DLEC1: variants seen among roughly 807,000 people sequenced by gnomAD.
The protein encoded by DLEC1 is DLEC1 cilia and flagella associated protein, also known as deleted in lung and esophageal cancer protein 1.
A neutral mutation model predicts 198.1 loss-of-function variants in DLEC1; 146 were observed. The observed-to-expected ratio is 0.74, with a 90% CI of 0.64 to 0.85. The LOEUF is 0.85. Ranked by LOEUF, DLEC1 falls within the 40% of genes least tolerant of loss-of-function variation. The pLI is 0.00. For missense variants in DLEC1, 2,233 were observed against 2,220.0 expected (o/e 1.01, Z -0.12); for synonymous variants, 897 against 866.8 (o/e 1.03, Z -0.61).
rs533245447 is a variant in DLEC1 at position 38,059,852 on chromosome 3, G to A, written c.673G>A (p.Gly225Ser). The A allele has an allele frequency of 1.2e-6, 2 of 1,613,588 alleles. No homozygotes were observed. Among genetic ancestry groups the A allele is most frequent in the Admixed American group, 1.7e-5 (1 of 59,908 alleles). Residue 225 changes from glycine to serine, a missense_variant and splice_region_variant, in exon 3 of 37, where the codon GGC becomes AGC. Coordinates refer to ENST00000308059, the MANE Select transcript of DLEC1 (RefSeq NM_007335.4). ...AGTGCCGTTTCACTCTGCACCTAAA[G>A]GTAATGCTTCTGTGCTCTCAAGGCC... ...DTVPFHSAPK[G>S]ISLPGCSKLT...
chr3:38,081,323 C>T (rs1697974639), intron 6 of DLEC1, among the ~76,000 whole-genome samples: 1 of 140,968 alleles, frequency 7.1e-6, no homozygotes, highest in Non-Finnish European at 1.5e-5. Flanking sequence ...TCTCAATGAG[C>T]TGTTGGGCAC....
Position 38,123,372 on chromosome 3 carries a change from G to A in DLEC1, c.*960G>A, listed in dbSNP as rs1315130456. The stretch of plus-strand genomic sequence containing the variant: ...TGCCCCTACATCCTAAGTTCAGGGT[G>A]TTTCTGTGTGCATGTTCCCCTCCCC... On this transcript the variant is annotated 3_prime_UTR_variant, in exon 37 of 37. Transcript: ENST00000308059. 2 of 496,288 alleles carry A rather than the reference G, an allele frequency of 4.0e-6. No homozygotes were observed. Among genetic ancestry groups the A allele is most frequent in the Non-Finnish European group, 7.2e-6 (2 of 276,204 alleles). 30.7% of individuals were successfully genotyped at this position (496,288 alleles called of 1,614,324 possible). A position where few individuals can be genotyped will look rare whatever the true frequency, so the allele number is the denominator to read the frequency against.
At chr3:38,113,547 T>C (rs1332041217) in intron 25 of DLEC1, among the ~76,000 whole-genome samples, 1 of 142,870 alleles carries the variant, frequency 7.0e-6, no homozygotes, top group Non-Finnish European at 1.6e-5. Context: ...AAAAATTAGC[T>C]GGGCGTGATG....
chr3:38,085,511 C>T, intron 8 of DLEC1, 64 bp downstream of exon 8: 3 of 1,579,106 alleles, frequency 1.9e-6, no homozygotes, highest in Non-Finnish European at 2.6e-6. Context: ...TAAGGACTGC[C>T]TGCCTCTCAG....
At chr3:38,073,038 G>A (rs533079557) in intron 6 of DLEC1, among the ~76,000 whole-genome samples, 8 of 152,300 alleles carry the variant, frequency 5.3e-5, no homozygotes, top group South Asian at 2.1e-4. Flanking sequence ...GAAACCTTGC[G>A]GCAGCACAGC....
chr3:38,056,339 T>C (rs1057058987), intron 2 of DLEC1, among the ~76,000 whole-genome samples: 1 of 152,218 alleles, frequency 6.6e-6, no homozygotes, highest in Non-Finnish European at 1.5e-5. Context: ...AGACAGAGTC[T>C]TGCTGTGTTG....
rs772418649 is a variant in DLEC1, at chr3:38,114,413, G to A, written c.3738G>A (p.Arg1246=). ...TGGGCTGCCCCATCAGCTCCCTGAG[G>A]ACCACCTCCTACACTATTGACCAGG... ...AAVGCPISSL[R]TTSYTIDQAQ... Residue 1246 remains arginine (R), a synonymous_variant, in exon 26 of 37, where the codon AGG becomes AGA. Transcript: ENST00000308059. The A allele has an allele frequency of 4.3e-5, 70 of 1,614,004 alleles. No individual in the cohort carries two copies. The highest frequency in any genetic ancestry group is 5.5e-5 in the Non-Finnish European group (65 of 1,180,016).
chr3:38,111,832 G>GGAGC, intron 24 of DLEC1, 85 bp downstream of exon 24: 1 of 1,477,798 alleles, frequency 6.8e-7, no homozygotes, highest in Non-Finnish European at 9.1e-7. Context: ...CAGCTGCCAG[G>GGAGC]GAGCGGGACC....
intron 9 of DLEC1, among the ~76,000 whole-genome samples, chr3:38,087,535 ACCAT>A (rs1314774936): frequency 2.9e-5 from 4 of 138,500 alleles, no homozygotes; most frequent in Admixed American, 2.1e-4. Flanking sequence ...CAGCACTGAC[ACCAT>A]CCATCAGCAT....
intron 19 of DLEC1, among the ~76,000 whole-genome samples, chr3:38,102,217 C>T (rs574441874): frequency 6.6e-6 from 1 of 152,212 alleles, no homozygotes; most frequent in East Asian, 1.9e-4. Context: ...GGAGAGGCCA[C>T]TTAGAGCTCC....
chr3:38,071,086 G>C (rs1216276847), intron 6 of DLEC1, among the ~76,000 whole-genome samples: 1 of 152,196 alleles, frequency 6.6e-6, no homozygotes, highest in Non-Finnish European at 1.5e-5. Flanking sequence ...TGGGAACCTA[G>C]AGTGGGAGAG....
chr3:38,105,458 A>AT (rs1310819921), intron 19 of DLEC1, among the ~76,000 whole-genome samples: 42 of 152,108 alleles, frequency 2.8e-4, no homozygotes, highest in African/African-American at 8.2e-4. Flanking sequence ...CTGTTGTTAG[A>AT]TACATACATG....
At chr3:38,039,778 G>A (rs890270175) in intron 1 of DLEC1, 142 bp downstream of exon 1, 2 of 1,130,016 alleles carry the variant, frequency 1.8e-6, no homozygotes, top group African/African-American at 1.6e-5. Flanking sequence ...AAGTGGGCCC[G>A]ACATTCTAGT....
At chr3:38,109,977 G>A in intron 22 of DLEC1, 122 bp from the exon 23 acceptor site, 1 of 1,128,690 alleles carries the variant, frequency 8.9e-7, no homozygotes, top group Non-Finnish European at 1.3e-6. Flanking sequence ...CAATGAAACA[G>A]GAGTCTGAGG....
chr3:38,079,291 T>C (rs1321779357), intron 6 of DLEC1, among the ~76,000 whole-genome samples: 3 of 152,028 alleles, frequency 2.0e-5, no homozygotes, highest in Non-Finnish European at 4.4e-5. Flanking sequence ...AAGGAGTGCT[T>C]AAAAGAGTAT....
intron 9 of DLEC1, 141 bp from the exon 10 acceptor site, chr3:38,088,155 G>A (rs1338427469): frequency 1.4e-6 from 1 of 720,876 alleles, no homozygotes; most frequent in African/African-American, 1.8e-5. Context: ...ATAAGCCTCA[G>A]TTTTTTCATT....
intron 32 of DLEC1, 49 bp from the exon 33 acceptor site, chr3:38,117,755 GAA>G: frequency 7.7e-7 from 1 of 1,302,312 alleles, no homozygotes; most frequent in Non-Finnish European, 1.1e-6. Context: ...CCATGGGGTT[GAA>G]GAGAGAGACA....
chr3:38,078,210 G>GTTGT (rs1317098931), intron 6 of DLEC1, among the ~76,000 whole-genome samples: 1 of 152,152 alleles, frequency 6.6e-6, no homozygotes, highest in Non-Finnish European at 1.5e-5. Context: ...CAAAGAGTGA[G>GTTGT]TACAGCTGAA....
chr3:38,043,994 C>T (rs1700772228), intron 1 of DLEC1, among the ~76,000 whole-genome samples: 1 of 151,914 alleles, frequency 6.6e-6, no homozygotes, highest in African/African-American at 2.4e-5. Context: ...GTTAGCTGGG[C>T]ATGGTGGCTT....
Sources: gnomAD v4.1 joint callset for allele counts (sites outside exome capture counted in the v4.1 genomes callset) on GRCh38, gnomAD v4.1.1 for gene constraint, MANE v1.5 for transcripts, NCBI Gene and HGNC (gene_info 2026-07-23, HGNC 2026-07-21) for gene names.